ROBO1: variants seen among roughly 807,000 people sequenced by gnomAD.
The protein encoded by ROBO1 is roundabout guidance receptor 1.
In ROBO1, 149 loss-of-function variants were observed where a neutral mutation model predicts 195.9. The observed-to-expected ratio is 0.76, with a 90% CI of 0.67 to 0.87. The LOEUF is 0.87. Ranked by LOEUF, ROBO1 falls within the 40% of genes least tolerant of loss-of-function variation. ROBO1 has a pLI of 0.00. For missense variants in ROBO1, 1,933 were observed against 2,068.3 expected (o/e 0.93, Z 1.27); for synonymous variants, 816 against 733.2 (o/e 1.11, Z -1.82).
At chr3:78,637,530 T>A (rs1028714303) in intron 22 of ROBO1, among the ~76,000 whole-genome samples, 1 of 152,208 alleles carries the variant, frequency 6.6e-6, no homozygotes, top group African/African-American at 2.4e-5. Context: ...ATGTAGCTAG[T>A]GCAAAAGAGG....
chr3:78,688,564 A>G (rs1396470357), intron 9 of ROBO1, 84 bp downstream of exon 9: 2 of 1,355,342 alleles, frequency 1.5e-6, no homozygotes, highest in East Asian at 2.6e-5. Flanking sequence ...CTGCATGACT[A>G]AGTAATATGT....
chr3:79,542,570 A>T (rs1401727298), intron 2 of ROBO1, among the ~76,000 whole-genome samples: 1 of 152,100 alleles, frequency 6.6e-6, no homozygotes, highest in Non-Finnish European at 1.5e-5. Flanking sequence ...CATTTTAAAA[A>T]TAAATAACAG....
chr3:79,149,908 T>C (rs769146624), intron 2 of ROBO1, among the ~76,000 whole-genome samples: 10 of 151,750 alleles, frequency 6.6e-5, no homozygotes, highest in Non-Finnish European at 1.0e-4. Context: ...CTGGCACATT[T>C]CAAAATGGTT....
intron 2 of ROBO1, among the ~76,000 whole-genome samples, chr3:79,502,278 G>C (rs950345553): frequency 2.6e-5 from 4 of 152,148 alleles, no homozygotes; most frequent in Non-Finnish European, 5.9e-5. Flanking sequence ...GGCGGGAACC[G>C]GGGCTGCGCG....
intron 4 of ROBO1, among the ~76,000 whole-genome samples, chr3:78,789,325 T>C (rs562045528): frequency 1.3e-5 from 2 of 152,318 alleles, no homozygotes; most frequent in East Asian, 3.9e-4. Flanking sequence ...TGGACCCGAC[T>C]TCAACTTTTC....
Position 78,600,119 on chromosome 3 carries a change from T to C in ROBO1, c.4935A>G (p.Glu1645=). 2 of 1,611,250 alleles carry C rather than the reference T, an allele frequency of 1.2e-6. No homozygotes were observed. Among genetic ancestry groups the C allele is most frequent in the Non-Finnish European group, 8.5e-7 (1 of 1,177,880 alleles). The change falls in exon 30 of 31, where the codon GAA becomes GAG. Residue 1645 remains glutamate (E), a synonymous_variant. Transcript: ENST00000464233. ...GYERGEDNNE[E]LEETES ...GGGGAAAAATTATAGATACCTCTAA[T>C]TCTTCATTATTATCTTCTCCTCTTT...
At chr3:79,547,233 A>G (rs1942305816) in intron 2 of ROBO1, among the ~76,000 whole-genome samples, 1 of 150,820 alleles carries the variant, frequency 6.6e-6, no homozygotes, top group Admixed American at 6.6e-5. Flanking sequence ...TTGACAAAAC[A>G]AACTGAAGCT....
chr3:78,666,038 T>C (rs1459404505), intron 14 of ROBO1, among the ~76,000 whole-genome samples: 1 of 152,076 alleles, frequency 6.6e-6, no homozygotes, highest in Non-Finnish European at 1.5e-5. Flanking sequence ...GTGCTGCTGT[T>C]CTCGTGATAG....
Position 79,080,357 on chromosome 3 carries a change from A to T in ROBO1, c.172+45099T>A, listed in dbSNP as rs2108460096. 1.3e-5 allele frequency among the ~76,000 whole-genome samples: 2 copies of T among 152,034 alleles called. 1 individual carries two copies. Among genetic ancestry groups the T allele is most frequent in the East Asian group, 3.9e-4 (2 of 5,162 alleles). On this transcript the variant is annotated intron_variant, in intron 3 of 30. Coordinates refer to ENST00000464233, the MANE Select transcript of ROBO1 (RefSeq NM_002941.4). Reference sequence around the variant, plus strand: ...ATTGTCCATGAAAATATGTGTTTCTAGCCACTCACATAATAAAGCATTTTA... The same window carrying T: ...ATTGTCCATGAAAATATGTGTTTCTTGCCACTCACATAATAAAGCATTTTA...
At chr3:78,628,778 A>C (rs908619972) in intron 25 of ROBO1, among the ~76,000 whole-genome samples, 3 of 152,196 alleles carry the variant, frequency 2.0e-5, no homozygotes, top group Admixed American at 6.5e-5. Flanking sequence ...GAAATGTTTT[A>C]GTTATCTTTG....
intron 2 of ROBO1, among the ~76,000 whole-genome samples, chr3:79,127,033 G>T (rs1451987749): frequency 1.3e-5 from 2 of 149,800 alleles, no homozygotes; most frequent in African/African-American, 2.5e-5. Flanking sequence ...GTTAAGATCT[G>T]TGCAGACAAA....
chr3:79,291,737 C>G (rs555548722), intron 2 of ROBO1, among the ~76,000 whole-genome samples: 1 of 152,196 alleles, frequency 6.6e-6, no homozygotes, highest in South Asian at 2.1e-4. Context: ...GGCACACTAC[C>G]ACATACCTTC....
chr3:78,711,350 C>CCTTCCTTTCTTT (rs2081700362), intron 8 of ROBO1, among the ~76,000 whole-genome samples: 10 of 46,852 alleles, frequency 2.1e-4, no homozygotes, highest in African/African-American at 1.5e-3. Flanking sequence ...CTTCCTTCCT[C>CCTTCCTTTCTTT]CTTCCTTCCT....
chr3:79,112,861 T>C (rs565015683), intron 3 of ROBO1, among the ~76,000 whole-genome samples: 3 of 152,138 alleles, frequency 2.0e-5, no homozygotes, highest in Admixed American at 6.5e-5. Context: ...TATGTATACA[T>C]ATGTAACTAA....
At chr3:79,459,795 T>C (rs1327379656) in intron 2 of ROBO1, among the ~76,000 whole-genome samples, 4 of 152,114 alleles carry the variant, frequency 2.6e-5, no homozygotes, top group African/African-American at 9.7e-5. Context: ...TTTCACAAGG[T>C]ATTATTATGA....
Position 78,601,515 on chromosome 3 carries a change from A to T in ROBO1, c.4745-1206T>A, listed in dbSNP as rs73850720. On this transcript the variant is annotated intron_variant, in intron 29 of 30. Coordinates refer to ENST00000464233, the MANE Select transcript of ROBO1 (RefSeq NM_002941.4). ...TCTTCATAACACTTGATACCATGTG[A>T]CCATCATCCTCTGTCTCTGTTTCAT... 4.4e-3 allele frequency among the ~76,000 whole-genome samples: 674 copies of T among 152,246 alleles called. 6 individuals are homozygous for T. Among genetic ancestry groups the T allele is most frequent in the African/African-American group, 0.015 (643 of 41,548 alleles).
At chr3:79,017,702 T>G (rs960661381) in intron 3 of ROBO1, among the ~76,000 whole-genome samples, 2 of 152,102 alleles carry the variant, frequency 1.3e-5, no homozygotes, top group Non-Finnish European at 2.9e-5. Flanking sequence ...GGAATTTCAG[T>G]ATTATTTAAT....
intron 10 of ROBO1, among the ~76,000 whole-genome samples, chr3:78,670,750 A>G (rs1708020517): frequency 2.0e-5 from 3 of 152,236 alleles, no homozygotes; most frequent in Non-Finnish European, 4.4e-5. Context: ...TACAACAGAA[A>G]AAAAGAAACA....
chr3:79,308,648 CCT>C (rs1357037238), intron 2 of ROBO1, among the ~76,000 whole-genome samples: 1 of 152,014 alleles, frequency 6.6e-6, no homozygotes, highest in East Asian at 1.9e-4. Context: ...TCTGGGAAGT[CCT>C]CTCTGATAAA....
Sources: allele counts gnomAD v4.1 joint callset (sites outside exome capture counted in the v4.1 genomes callset), GRCh38; gene constraint gnomAD v4.1.1; transcripts MANE v1.5; gene names NCBI Gene and HGNC (gene_info 2026-07-23, HGNC 2026-07-21).